GALK1: variants seen among roughly 807,000 people sequenced by gnomAD.
GALK1 encodes galactokinase.
In GALK1, 30 loss-of-function variants were observed where a neutral mutation model predicts 38.6. The observed-to-expected ratio is 0.78, with a 90% confidence interval of 0.58 to 1.05. The LOEUF is 1.05. Among genes scored for constraint, GALK1 ranks in the 50% least tolerant of loss-of-function variants. GALK1 has a pLI of 0.00. For missense variants in GALK1, 512 were observed against 540.5 expected (o/e 0.95, Z 0.52); for synonymous variants, 240 against 233.6 (o/e 1.03, Z -0.25).
At chr17:75,764,183 T>G in intron 1 of GALK1, 97 bp from the exon 2 acceptor site, 4 of 1,125,012 alleles carry the variant, frequency 3.6e-6, no homozygotes, top group African/African-American at 1.5e-5. Flanking sequence ...GCCTCCACAG[T>G]CATCAGGTTC....
chr17:75,764,617 T>A (rs2061602660), intron 1 of GALK1: 1 of 462,756 alleles, frequency 2.2e-6, no homozygotes, highest in East Asian at 4.8e-5. Context: ...AGGTCTGCGG[T>A]TGGGGCCCCA....
chr17:75,752,405 G>T (rs375297670), intron 8 of GALK1: 1 of 1,612,700 alleles, frequency 6.2e-7, no homozygotes, highest in African/African-American at 1.3e-5. Flanking sequence ...GGGGGGCAGG[G>T]GGCAGCAGCC....
At chr17:75,751,892 G>A (rs2061374902) in intron 8 of GALK1, 10 of 509,412 alleles carry the variant, frequency 2.0e-5, no homozygotes, top group South Asian at 8.0e-5. Flanking sequence ...TGGAGGCACC[G>A]TGGATATATG....
At chr17:75,759,097 G>A (rs2061573276) in intron 5 of GALK1, among the ~76,000 whole-genome samples, 1 of 152,144 alleles carries the variant, frequency 6.6e-6, no homozygotes, top group African/African-American at 2.4e-5. Flanking sequence ...AGGGTAGGTG[G>A]CATGGCGGGA....
downstream of GALK1, chr17:75,753,625 C>T (rs1456802524): frequency 4.6e-5 from 23 of 503,440 alleles, no homozygotes; most frequent in African/African-American, 6.0e-5. Context: ...TGCGCATCTA[C>T]CCCCGCCCCC....
downstream of GALK1, chr17:75,756,488 C>G: frequency 6.2e-7 from 1 of 1,613,280 alleles, no homozygotes; most frequent in African/African-American, 1.3e-5. Context: ...GGTGGAAGAC[C>G]TCCTGCCCAA....
chr17:75,754,380 C>T (rs2061438499), downstream of GALK1: 2 of 644,034 alleles, frequency 3.1e-6, no homozygotes, highest in Admixed American at 2.7e-5. Flanking sequence ...AGGATATGGG[C>T]TGTGGAAGCC....
In GALK1 at chr17:75,763,977, A is replaced by T; in HGVS notation, c.275T>A (p.Leu92Gln). 1 of 1,612,922 alleles carries T rather than the reference A, an allele frequency of 6.2e-7. No homozygotes were observed. Among genetic ancestry groups the T allele is most frequent in the Non-Finnish European group, 8.5e-7 (1 of 1,179,878 alleles). ...CTCCAGCGAGCGCTGGGCTGTGGGC[A>T]GTGGAAACTGCAGCCGCTGGGGCTC... ...ADEPQRLQFP[L>Q]PTAQRSLEPG... Residue 92 changes from leucine (L) to glutamine (Q), a missense_variant, in exon 2 of 8, where the codon CTG (leucine) becomes CAG (glutamine). Physicochemically the swap from Leu to Gln is moderately radical, Grantham distance 113. Coordinates refer to ENST00000588479, the MANE Select transcript of GALK1 (RefSeq NM_000154.2).
chr17:75,762,625 C>T, intron 5 of GALK1, 79 bp downstream of exon 5: 1 of 1,501,224 alleles, frequency 6.7e-7, no homozygotes, highest in East Asian at 2.3e-5. Flanking sequence ...ATCGGGGTCC[C>T]AGGCAGGGTC....
At chr17:75,753,127 G>C (rs2061405931), downstream of GALK1, among the ~76,000 whole-genome samples, 1 of 152,194 alleles carries the variant, frequency 6.6e-6, no homozygotes, top group South Asian at 2.1e-4. Flanking sequence ...TGTATAATGG[G>C]ATACCAATCA....
chr17:75,759,209 C>T (rs2061574187), intron 5 of GALK1, among the ~76,000 whole-genome samples: 1 of 152,116 alleles, frequency 6.6e-6, no homozygotes, highest in South Asian at 2.1e-4. Context: ...AGGCAGATTG[C>T]CTGAGGTCAG....
rs768181029 is a variant in GALK1, at chr17:75,765,075, C to T, written c.62G>A (p.Arg21Gln). 1.9e-6 allele frequency: 3 copies of T among 1,598,346 alleles called. No individual in the cohort carries two copies. Among genetic ancestry groups the T allele is most frequent in the South Asian group, 1.1e-5 (1 of 89,192 alleles). ...ELLAEARRAF[R>Q]EEFGAEPELA... ...CTCGGGCTCGGCCCCGAACTCCTCCCGGAAGGCTCGCCGGGCCTCGGCCAG... is the reference window on the plus strand; with the variant it reads ...CTCGGGCTCGGCCCCGAACTCCTCCTGGAAGGCTCGCCGGGCCTCGGCCAG... The change falls in exon 1 of 8, where the codon CGG becomes CAG. Residue 21 changes from arginine to glutamine, a missense_variant. Arg to Gln is a conservative substitution (Grantham distance 43). Coordinates refer to ENST00000588479, the MANE Select transcript of GALK1 (RefSeq NM_000154.2).
chr17:75,763,177 T>A, intron 3 of GALK1, 28 bp from the exon 4 acceptor site: 1 of 1,610,320 alleles, frequency 6.2e-7, no homozygotes, highest in South Asian at 1.1e-5. Context: ...GTGGGGAGGC[T>A]AGGGCTGGTG....
Position 75,758,466 on chromosome 17 carries a change from C to G in GALK1, c.927G>C (p.Glu309Asp), listed in dbSNP as rs1388398479. The change falls in exon 6 of 8, where the codon GAG becomes GAC. Residue 309 changes from glutamate to aspartate, a missense_variant. Coordinates refer to ENST00000588479, the MANE Select transcript of GALK1 (RefSeq NM_000154.2). The part of the protein sequence containing the change: ...DYRAFGRLMV[E>D]SHRSLRDDYE... Reference sequence around the variant, plus strand: ...GGCCTCACCTGAGTGAGCGGTGGCTCTCCACCATGAGGCGGCCAAAGGCTC... The same window carrying G: ...GGCCTCACCTGAGTGAGCGGTGGCTGTCCACCATGAGGCGGCCAAAGGCTC... The G allele has an allele frequency of 1.3e-6, 2 of 1,575,848 alleles. No individual in the cohort carries two copies.
downstream of GALK1, chr17:75,756,293 C>G (rs950674899): frequency 3.2e-5 from 29 of 893,346 alleles, no homozygotes; most frequent in Middle Eastern, 7.3e-4. Context: ...CCATACTGTA[C>G]CCAACCTGTA....
downstream of GALK1, chr17:75,757,842 G>C (rs1003746670): frequency 1.5e-6 from 1 of 672,038 alleles, no homozygotes. Flanking sequence ...CCATTCTTCT[G>C]GGGCCTGAGA....
chr17:75,757,898 C>G lies in GALK1; in HGVS notation c.*158G>C, dbSNP rs1341455126. On this transcript the variant is annotated 3_prime_UTR_variant, in exon 8 of 8. Transcript: ENST00000588479. ...GAGCGGTTCTGACATCCCCCATTCT[C>G]TGACACCCAAGCATACACCCACCTC... The G allele has an allele frequency of 1.2e-6, 1 of 850,172 alleles. No individual in the cohort carries two copies. The highest frequency in any genetic ancestry group is 1.7e-5 in the African/African-American group (1 of 59,936). 52.7% of individuals were successfully genotyped at this position (850,172 alleles called of 1,614,324 possible).
rs141983398 is a variant in GALK1 at position 75,763,106 on chromosome 17, G to A, written c.519C>T (p.Ala173=). 158 of 1,612,256 alleles carry A rather than the reference G, an allele frequency of 9.8e-5. No homozygotes were observed. The highest frequency in any genetic ancestry group is 1.2e-4 in the Non-Finnish European group (146 of 1,180,016). ...IAARAQVCQQ[A]EHSFAGMPCG... ...AGGGCATCCCTGCGAAGCTGTGCTC[G>A]GCCTGCTGACACACCTGGGCGCGGG... The change falls in exon 4 of 8, where the codon GCC becomes GCT. Residue 173 remains alanine, a synonymous_variant. Coordinates refer to ENST00000588479, the MANE Select transcript of GALK1 (RefSeq NM_000154.2).
At chr17:75,755,339 C>A, downstream of GALK1, 1 of 1,029,336 alleles carries the variant, frequency 9.7e-7, no homozygotes, top group Non-Finnish European at 1.4e-6. Context: ...CCCGCCTGCC[C>A]ACAGGCGCTA....
Sources: gnomAD v4.1 joint callset for allele counts (sites outside exome capture counted in the v4.1 genomes callset) on GRCh38, gnomAD v4.1.1 for gene constraint, MANE v1.5 for transcripts, NCBI Gene and HGNC (gene_info 2026-07-23, HGNC 2026-07-21) for gene names.